MATR3: variants seen among roughly 807,000 people sequenced by gnomAD.
MATR3 encodes matrin 3, also known as matrin-3.
Under a neutral mutation model 85.5 loss-of-function variants are expected in MATR3, and 4 were observed. The observed-to-expected ratio is 0.05, with a 90% CI of 0.02 to 0.11. The LOEUF (loss-of-function observed/expected upper bound fraction) is 0.11. MATR3 is among the 10% of genes least tolerant of loss of function. MATR3 has a pLI of 1.00. For synonymous variants in MATR3, 336 were observed against 343.1 expected (o/e 0.98, Z 0.23); for missense variants, 685 against 1,016.1 (o/e 0.67, Z 4.43).
intron 1 of MATR3, chr5:139,299,702 G>A (rs533595045): frequency 6.6e-6 from 1 of 152,286 alleles, no homozygotes; most frequent in Admixed American, 6.5e-5. Context: ...AAGTGGTAGG[G>A]AGTAGTAGGT....
Position 139,325,733 on chromosome 5 carries a change from A to G in MATR3, c.2371+71A>G, listed in dbSNP as rs1755823155. ...ACAAACTCTTAGGTTTTAAAATAAGATTTTAAAGTTGGTCTTACATAAGCT... is the reference window on the plus strand; with the variant it reads ...ACAAACTCTTAGGTTTTAAAATAAGGTTTTAAAGTTGGTCTTACATAAGCT... On this transcript the variant is annotated intron_variant, in intron 13 of 14. Coordinates refer to ENST00000394805, the MANE Select transcript of MATR3 (RefSeq NM_018834.6). 12 of 1,388,446 alleles carry G rather than the reference A, an allele frequency of 8.6e-6. No individual in the cohort carries two copies. In the South Asian group the frequency reaches 1.3e-4, roughly 15 times the overall value. 86.0% of individuals were successfully genotyped at this position (1,388,446 alleles called of 1,614,324 possible). A position where few individuals can be genotyped will look rare whatever the true frequency, so the allele number is the denominator to read the frequency against.
chr5:139,329,483 A>G lies in MATR3; in HGVS notation c.*88A>G. The G allele has an allele frequency of 9.4e-7, 1 of 1,063,866 alleles. No homozygotes were observed. The highest frequency in any genetic ancestry group is 1.4e-6 in the Non-Finnish European group (1 of 692,544). 65.9% of individuals were successfully genotyped at this position (1,063,866 alleles called of 1,614,324 possible). A position where few individuals can be genotyped will look rare whatever the true frequency, so the allele number is the denominator to read the frequency against. On this transcript the variant is annotated 3_prime_UTR_variant, in exon 15 of 15. Coordinates refer to ENST00000394805, the MANE Select transcript of MATR3 (RefSeq NM_018834.6). ...TTTTTTAAATACAATACTGATAGTT[A>G]GAAGAAAACTATTGTACTCTTTTGT...
At chr5:139,320,552 A>G (rs1755504714) in intron 9 of MATR3, among the ~76,000 whole-genome samples, 1 of 152,124 alleles carries the variant, frequency 6.6e-6, no homozygotes, top group South Asian at 2.1e-4. Flanking sequence ...GTAGTGGGCT[A>G]TGATTGTGCC....
chr5:139,304,650 G>A (rs771865553), intron 1 of MATR3, among the ~76,000 whole-genome samples: 2 of 152,174 alleles, frequency 1.3e-5, no homozygotes, highest in African/African-American at 4.8e-5. Flanking sequence ...ATTTACACTA[G>A]TATATAGAGA....
At chr5:139,319,212 TG>T in intron 8 of MATR3, 121 bp from the exon 9 acceptor site, 1 of 1,314,288 alleles carries the variant, frequency 7.6e-7, no homozygotes, top group Non-Finnish European at 1.1e-6. Flanking sequence ...CAGGCAAGCC[TG>T]GGCAACATAG....
chr5:139,312,216 ACT>A (rs1405389109), intron 2 of MATR3: 2 of 151,828 alleles, frequency 1.3e-5, no homozygotes, highest in Non-Finnish European at 2.9e-5. Flanking sequence ...AGCTCATTGC[ACT>A]CTCTACCACC....
intron 2 of MATR3, chr5:139,310,745 T>C (rs962015956): frequency 6.6e-6 from 1 of 152,120 alleles, no homozygotes; most frequent in African/African-American, 2.4e-5. Flanking sequence ...GTGGTGTTTT[T>C]ATTTCTTTAT....
intron 1 of MATR3, chr5:139,294,649 C>T (rs1001552878): frequency 1.3e-5 from 2 of 152,108 alleles, no homozygotes; most frequent in African/African-American, 2.4e-5. Context: ...GTCAAGTCAC[C>T]TCACATCCTT....
intron 14 of MATR3, among the ~76,000 whole-genome samples, chr5:139,327,484 C>G (rs772853151): frequency 6.6e-6 from 1 of 152,062 alleles, no homozygotes; most frequent in African/African-American, 2.4e-5. Flanking sequence ...TGCAATGGCG[C>G]GATTTTGGCT....
At position 139,307,372 on chromosome 5, in the gene MATR3, A is replaced by C; in HGVS notation, c.-44A>C. 7 of 1,496,406 alleles carry C rather than the reference A, an allele frequency of 4.7e-6. No homozygotes were observed. Among genetic ancestry groups the C allele is most frequent in the Non-Finnish European group, 6.3e-6 (7 of 1,115,822 alleles). 92.7% of individuals were successfully genotyped at this position (1,496,406 alleles called of 1,614,324 possible). A position where few individuals can be genotyped will look rare whatever the true frequency, so the allele number is the denominator to read the frequency against. ...TTTCTTTTTGGCCGTCTTTAAAAAA[A>C]TTTTTTTTTTTAATCTATAAAATAG... On this transcript the variant is annotated 5_prime_UTR_variant, in exon 2 of 15. Transcript: ENST00000394805. This position sits in a 1 kb window ranked among gnomAD's most constrained non-coding sequence, Gnocchi z 4.4.
In MATR3 at chr5:139,307,365, TA is replaced by T; in HGVS notation, c.-44del. 1 of 1,552,664 alleles carries T rather than the reference TA, an allele frequency of 6.4e-7. No individual in the cohort carries two copies. The highest frequency in any genetic ancestry group is 8.7e-7 in the Non-Finnish European group (1 of 1,151,670). On this transcript the variant is annotated 5_prime_UTR_variant, in exon 2 of 15. Transcript: ENST00000394805. The surrounding 1 kb of genome is among the most constrained non-coding windows in gnomAD (Gnocchi z 4.4). The stretch of plus-strand genomic sequence containing the variant: ...TTTGAGCTTTCTTTTTGGCCGTCTT[TA>T]AAAAAATTTTTTTTTTTAATCTATA...
In MATR3 at chr5:139,331,230, A is replaced by G. The variant is rs910398071; in HGVS notation, c.*1835A>G. 2.2e-6 allele frequency: 1 copy of G among 454,182 alleles called. No individual in the cohort carries two copies. The allele number at this position is 454,182 out of a possible 1,614,324, so 28.1% of individuals were successfully genotyped here. On this transcript the variant is annotated 3_prime_UTR_variant, in exon 15 of 15. Coordinates refer to ENST00000394805, the MANE Select transcript of MATR3 (RefSeq NM_018834.6). The stretch of plus-strand genomic sequence containing the variant: ...GATCTCTCCCGTTGAAAAGTAGGTG[A>G]TGATTTTAATGTGACATGCACAAAA...
rs568250848 is a variant in MATR3, at chr5:139,322,624, A to G, written c.1805A>G (p.Lys602Arg). 2 of 1,614,082 alleles carry G rather than the reference A, an allele frequency of 1.2e-6. No individual in the cohort carries two copies. The highest frequency in any genetic ancestry group is 1.3e-5 in the African/African-American group (1 of 74,942). Residue 602 changes from lysine to arginine, a missense_variant, in exon 12 of 15, where the codon AAA (lysine) becomes AGA (arginine). Transcript: ENST00000394805. ...AAAAGATCTTACTCTCCAGATGGCA[A>G]AGAATCTCCAAGTGATAAGAAATCC... ...SRKRSYSPDGKESPSDKKSKT... is the reference protein window; with the variant it reads ...SRKRSYSPDGRESPSDKKSKT...
chr5:139,299,270 G>C (rs979502930), intron 1 of MATR3, among the ~76,000 whole-genome samples: 1 of 152,236 alleles, frequency 6.6e-6, no homozygotes, highest in South Asian at 2.1e-4. Context: ...CAAGCATTGA[G>C]TAGTTTCTGT....
At chr5:139,298,584 A>T (rs1357891440) in intron 1 of MATR3, among the ~76,000 whole-genome samples, 3 of 152,188 alleles carry the variant, frequency 2.0e-5, no homozygotes, top group Non-Finnish European at 4.4e-5. Context: ...AAAGAAACAC[A>T]AATATTTGAA....
intron 1 of MATR3, among the ~76,000 whole-genome samples, chr5:139,298,515 G>A (rs777160442): frequency 6.6e-6 from 1 of 152,202 alleles, no homozygotes; most frequent in Non-Finnish European, 1.5e-5. Flanking sequence ...GTTGCAGTGA[G>A]GCGAGATCGT....
chr5:139,318,367 C>T (rs1181988382), intron 7 of MATR3, among the ~76,000 whole-genome samples: 1 of 151,918 alleles, frequency 6.6e-6, no homozygotes, highest in Non-Finnish European at 1.5e-5. Context: ...GTCCTGACCT[C>T]AGGTGATCCA....
At chr5:139,316,931 TG>T (rs1330571375) in intron 5 of MATR3, 121 bp from the exon 6 acceptor site, 9 of 762,904 alleles carry the variant, frequency 1.2e-5, no homozygotes, top group Non-Finnish European at 1.9e-5. Flanking sequence ...TGAAAAGTGA[TG>T]GTAATCATAT....
intron 9 of MATR3, among the ~76,000 whole-genome samples, chr5:139,320,756 T>C (rs1236243476): frequency 7.1e-6 from 1 of 140,870 alleles, no homozygotes; most frequent in African/African-American, 2.7e-5. Flanking sequence ...TTTTTTTTTT[T>C]TTTTTTTTTG....
Sources: allele counts gnomAD v4.1 joint callset (sites outside exome capture counted in the v4.1 genomes callset), GRCh38; gene constraint gnomAD v4.1.1; non-coding constraint Gnocchi (gnomAD v3.1); transcripts MANE v1.5; gene names NCBI Gene and HGNC (gene_info 2026-07-23, HGNC 2026-07-21).